Variants in TP53BP1 observed in about 807,000 individuals in gnomAD.
TP53BP1 encodes TP53-binding protein 1.
In TP53BP1, 61 loss-of-function variants were observed where a neutral mutation model predicts 200.8. The observed-to-expected ratio is 0.30, with a 90% CI of 0.25 to 0.38. The LOEUF (loss-of-function observed/expected upper bound fraction) is 0.38, where lower values mean the gene tolerates loss of function less well. TP53BP1 is among the 10% of genes least tolerant of loss of function. TP53BP1 has a pLI of 1.00. For synonymous variants in TP53BP1, 822 were observed against 844.3 expected, an observed-to-expected ratio of 0.97 and a Z score of 0.46; for missense variants, 2,144 against 2,371.9, an observed-to-expected ratio of 0.90 and a Z score of 2.00.
At chr15:43,420,215 C>A in intron 21 of TP53BP1, 90 bp downstream of exon 21, 2 of 1,271,174 alleles carry the variant, frequency 1.6e-6, no homozygotes. Flanking sequence ...TGGAAAAGTA[C>A]CAAGTAATGT....
Position 43,421,971 on chromosome 15 carries a change from A to G in TP53BP1, c.3984T>C (p.Ala1328=). The change falls in exon 19 of 28, where the codon GCT becomes GCC. Residue 1328 remains alanine, a synonymous_variant. Transcript: ENST00000382044. The part of the protein sequence containing the change: ...HRTSSGTSLS[A]MHSSGSSGKG... ...TCCCTGAGCTTCCACTGCTGTGCAT[A>G]GCTGAGAGACTTGTCCCACTTGATG... 6.2e-7 allele frequency: 1 copy of G among 1,614,114 alleles called. No homozygotes were observed. Among genetic ancestry groups the G allele is most frequent in the South Asian group, 1.1e-5 (1 of 91,086 alleles).
chr15:43,432,653 A>G lies in TP53BP1; in HGVS notation c.3216T>C (p.Ser1072=). ...PIRGNLLHFP[S]SQGEEEKEKL... The stretch of plus-strand genomic sequence containing the variant: ...TTTCTTTCTCCTCTTCTCCTTGAGA[A>G]CTTGGAAAGTGGAGCAAGTTCCCCC... The change falls in exon 17 of 28, where the codon AGT becomes AGC. Residue 1072 remains serine (S), a synonymous_variant. Transcript: ENST00000382044. 6.2e-7 allele frequency: 1 copy of G among 1,605,052 alleles called. No homozygotes were observed.
chr15:43,432,321 C>T lies in TP53BP1; in HGVS notation c.3548G>A (p.Cys1183Tyr), dbSNP rs2045690013. Residue 1183 changes from cysteine to tyrosine, a missense_variant, in exon 17 of 28, where the codon TGT (cysteine) becomes TAT (tyrosine). Cys to Tyr is a radical substitution (Grantham distance 194). Coordinates refer to ENST00000382044, the MANE Select transcript of TP53BP1 (RefSeq NM_001141980.3). ...GTCCACTGTACTGGTCCCCTGCTCA[C>T]ACACATTCTTTATAGTCTGGGTTGC... The part of the protein sequence containing the change: ...SAATQTIKNV[C>Y]EQGTSTVDQN... 3 of 1,614,096 alleles carry T rather than the reference C, an allele frequency of 1.9e-6. No individual in the cohort carries two copies. Among genetic ancestry groups the T allele is most frequent in the Admixed American group, 3.3e-5 (2 of 60,010 alleles).
intron 10 of TP53BP1, among the ~76,000 whole-genome samples, chr15:43,472,734 A>C (rs1186410639): frequency 1.3e-5 from 2 of 152,196 alleles, no homozygotes; most frequent in Admixed American, 6.5e-5. Context: ...CCCCATACTA[A>C]TTCATTTCAG....
intron 10 of TP53BP1, among the ~76,000 whole-genome samples, chr15:43,474,410 G>A (rs1184935262): frequency 6.7e-6 from 1 of 148,182 alleles, no homozygotes; most frequent in Admixed American, 6.7e-5. Context: ...GCGAGCGAGG[G>A]CTGTGAGGAC....
At chr15:43,467,163 C>T (rs1326184189) in intron 11 of TP53BP1, among the ~76,000 whole-genome samples, 1 of 151,696 alleles carries the variant, frequency 6.6e-6, no homozygotes, top group African/African-American at 2.4e-5. Flanking sequence ...AAGCAATTCT[C>T]CAGGCAATTC....
chr15:43,432,083 GT>G lies in TP53BP1; in HGVS notation c.3675+110del, dbSNP rs761538755. On this transcript the variant is annotated intron_variant, in intron 17 of 27. Coordinates refer to ENST00000382044, the MANE Select transcript of TP53BP1 (RefSeq NM_001141980.3). The stretch of plus-strand genomic sequence containing the variant: ...GTTTTTGTCTTTTAACCACTGTTCT[GT>G]ACAAAACTGTCAAGAATTGTCATTA... 6.2e-4 allele frequency: 897 copies of G among 1,453,734 alleles called. 1 individual carries two copies. The highest frequency in any genetic ancestry group is 6.8e-4 in the Non-Finnish European group (738 of 1,078,442). The allele number at this position is 1,453,734 out of a possible 1,614,324, so 90.1% of individuals were successfully genotyped here. A position where few individuals can be genotyped will look rare whatever the true frequency, so the allele number is the denominator to read the frequency against.
At chr15:43,458,658 C>T (rs1210296204) in intron 11 of TP53BP1, among the ~76,000 whole-genome samples, 3 of 151,582 alleles carry the variant, frequency 2.0e-5, no homozygotes, top group Non-Finnish European at 2.9e-5. Flanking sequence ...TGTGTCCCTA[C>T]AGTCCCAGCT....
intron 19 of TP53BP1, 145 bp downstream of exon 19, chr15:43,421,710 A>G (rs1268534339): frequency 4.2e-6 from 5 of 1,199,640 alleles, no homozygotes; most frequent in East Asian, 2.5e-5. Flanking sequence ...CAAAACAGGA[A>G]GAGAGCAAAT....
chr15:43,445,547 CA>C (rs1465207198), intron 14 of TP53BP1, among the ~76,000 whole-genome samples: 1 of 152,164 alleles, frequency 6.6e-6, no homozygotes, highest in African/African-American at 2.4e-5. Context: ...CTCCACCTAG[CA>C]CCAATTATTG....
intron 15 of TP53BP1, 100 bp from the exon 16 acceptor site, chr15:43,438,516 G>T: frequency 1.0e-6 from 1 of 998,880 alleles, no homozygotes. Context: ...TGCTTTCTCT[G>T]CATATCAAAC....
intron 26 of TP53BP1, 179 bp downstream of exon 26, chr15:43,408,718 G>T: frequency 1.6e-6 from 1 of 619,662 alleles, no homozygotes. Context: ...AAGGTTCCTA[G>T]CCAATGTAAC....
At position 43,432,223 on chromosome 15, in the gene TP53BP1, C is replaced by T. The variant is rs1309366765; in HGVS notation, c.3646G>A (p.Gly1216Arg). The change falls in exon 17 of 28, where the codon GGG becomes AGG. Residue 1216 changes from glycine (G) to arginine (R), a missense_variant. Gly to Arg is a moderately radical substitution (Grantham distance 125, BLOSUM62 -2). Around this residue, in one of 4 missense-constraint regions of TP53BP1, gnomAD observed 1,700 missense variants for 1,710.3 expected, o/e 0.99. Transcript: ENST00000382044. ...CTATGGAGCGACTCTGTATCATCCC[C>T]AGGAGCACTGACTGGTTTCTCACCA... ...GSGEKPVSAP[G>R]DDTESLHSQG... is the part of the protein sequence containing the mutation. The T allele has an allele frequency of 6.2e-7, 1 of 1,614,136 alleles. No homozygotes were observed. Among genetic ancestry groups the T allele is most frequent in the Non-Finnish European group, 8.5e-7 (1 of 1,179,994 alleles).
chr15:43,479,347 T>A (rs760788187), intron 7 of TP53BP1, 50 bp downstream of exon 7: 1 of 1,541,472 alleles, frequency 6.5e-7, no homozygotes, highest in Non-Finnish European at 8.7e-7. Flanking sequence ...ATGACATTAG[T>A]ATAACCCTAC....
intron 1 of TP53BP1, among the ~76,000 whole-genome samples, chr15:43,506,880 GT>G (rs1384887219): frequency 6.6e-6 from 1 of 152,072 alleles, no homozygotes; most frequent in Non-Finnish European, 1.5e-5. Flanking sequence ...TGCAAAGGGT[GT>G]AACTTCACTT....
In TP53BP1 at chr15:43,422,131, A is replaced by G; in HGVS notation, c.3829-5T>C. The G allele has an allele frequency of 6.2e-7, 1 of 1,612,486 alleles. No homozygotes were observed. The highest frequency in any genetic ancestry group is 1.1e-5 in the South Asian group (1 of 90,866). On this transcript the variant is annotated splice_polypyrimidine_tract_variant and splice_region_variant and intron_variant, in intron 18 of 27. Transcript: ENST00000382044. ...TACAATTGGCTCTTCAGTCTCCTGC[A>G]AGGAAAAAATAGATACAGAAGATAA... is the stretch of plus-strand genomic sequence containing the variant.
chr15:43,477,748 A>C lies in TP53BP1; in HGVS notation c.800T>G (p.Met267Arg), dbSNP rs750411212. 22 of 1,608,274 alleles carry C rather than the reference A, an allele frequency of 1.4e-5. No homozygotes were observed. Among genetic ancestry groups the C allele is most frequent in the Non-Finnish European group, 2.5e-6 (3 of 1,177,784 alleles). ...AACAGATGCTTTGGGGCTAAAAGGC[A>C]TGTCCTCTGACCTAGGAAATTCATA... ...QNPPPARSED[M>R]PFSPKASVAA... Residue 267 changes from methionine (M) to arginine (R), a missense_variant, in exon 8 of 28, where the codon ATG becomes AGG. By Grantham distance (91) the Met-to-Arg change is moderately conservative (BLOSUM62 -1). Coordinates refer to ENST00000382044, the MANE Select transcript of TP53BP1 (RefSeq NM_001141980.3).
chr15:43,419,031 C>A (rs2045330868), intron 21 of TP53BP1, among the ~76,000 whole-genome samples: 1 of 152,154 alleles, frequency 6.6e-6, no homozygotes, highest in Non-Finnish European at 1.5e-5. Flanking sequence ...ACCAGCCTGG[C>A]CAATATGGCG....
In TP53BP1 at chr15:43,416,442, G is replaced by A. The variant is rs962572115; in HGVS notation, c.4682-26C>T. 2.5e-6 allele frequency: 4 copies of A among 1,608,212 alleles called. No homozygotes were observed. In the African/African-American group the frequency reaches 4.0e-5, roughly 16 times the overall value. On this transcript the variant is annotated intron_variant, in intron 21 of 27. Coordinates refer to ENST00000382044, the MANE Select transcript of TP53BP1 (RefSeq NM_001141980.3). ...CTGGGGGGTGGAAAGCATAAAAGAA[G>A]CTTGCTGTTGTCTTAGGCTCCTTAG...
Sources: gnomAD v4.1 joint callset for allele counts (sites outside exome capture counted in the v4.1 genomes callset) on GRCh38, gnomAD v4.1.1 for gene constraint, gnomAD v4.1.1 regional missense constraint, MANE v1.5 for transcripts, NCBI Gene and HGNC (gene_info 2026-07-23, HGNC 2026-07-21) for gene names.